Variants in DGKG observed in about 807,000 individuals in gnomAD.
The protein encoded by DGKG is diacylglycerol kinase gamma.
DGKG carries 78 observed loss-of-function variants against 105.3 expected under a neutral mutation model. That is an observed-to-expected ratio of 0.74 (90% CI 0.62 to 0.89). The LOEUF is 0.89. Ranked by LOEUF, DGKG falls within the 40% of genes least tolerant of loss-of-function variation. The pLI is 0.00. For missense variants in DGKG, 958 were observed against 1,020.1 expected (o/e 0.94, Z 0.83); for synonymous variants, 346 against 367.1 (o/e 0.94, Z 0.66).
At chr3:186,211,236 T>C (rs1171717653) in intron 21 of DGKG, among the ~76,000 whole-genome samples, 1 of 152,160 alleles carries the variant, frequency 6.6e-6, no homozygotes, top group East Asian at 1.9e-4. Flanking sequence ...TAGGATGAAA[T>C]CAAGGGCCCT....
At chr3:186,244,819 A>G (rs4686754) in intron 19 of DGKG, among the ~76,000 whole-genome samples, 136,549 of 151,142 alleles carry the variant, frequency 0.9, 62,310 homozygotes, top group East Asian at 1. Flanking sequence ...CCTGAGGCCT[A>G]TCCAGCCTGC....
rs1370563031 is a variant in DGKG, at chr3:186,297,433, C to T, written c.361G>A (p.Ala121Thr). The T allele has an allele frequency of 1.9e-6, 3 of 1,611,826 alleles. No homozygotes were observed. The highest frequency in any genetic ancestry group is 2.2e-5 in the South Asian group (2 of 91,036). Residue 121 changes from alanine to threonine, a missense_variant, in exon 5 of 25, where the codon GCC (alanine) becomes ACC (threonine). By Grantham distance (58) the Ala-to-Thr change is moderately conservative. Coordinates refer to ENST00000265022, the MANE Select transcript of DGKG (RefSeq NM_001346.3). ...TCCAAAGACTTACCAGTATCAGGGG[C>T]ACAGGCCTCGTCTGCTTTGGTGGCA... ...DNATKADEACAPDTESNMAEK... is the reference protein window; with the variant it reads ...DNATKADEACTPDTESNMAEK...
At chr3:186,355,729 C>A (rs1360848020) in intron 1 of DGKG, among the ~76,000 whole-genome samples, 2 of 151,978 alleles carry the variant, frequency 1.3e-5, no homozygotes, top group Non-Finnish European at 2.9e-5. Flanking sequence ...ACCAGCATCA[C>A]TGTCCTACCA....
chr3:186,265,427 G>T, intron 13 of DGKG, 121 bp from the exon 14 acceptor site: 2 of 877,688 alleles, frequency 2.3e-6, no homozygotes. Context: ...GTGTAGTATG[G>T]AGACGAGGTT....
intron 21 of DGKG, among the ~76,000 whole-genome samples, chr3:186,193,929 T>C (rs1312444072): frequency 6.6e-6 from 1 of 152,192 alleles, no homozygotes; most frequent in African/African-American, 2.4e-5. Context: ...CAGGGATTTA[T>C]AGCCCGGAGT....
At chr3:186,254,458 G>T (rs1166053192) in intron 17 of DGKG, among the ~76,000 whole-genome samples, 1 of 152,102 alleles carries the variant, frequency 6.6e-6, no homozygotes, top group African/African-American at 2.4e-5. Context: ...CCTTTGCACA[G>T]CCTGCTCCCT....
chr3:186,310,528 T>C (rs921489289), intron 2 of DGKG, among the ~76,000 whole-genome samples: 1 of 152,198 alleles, frequency 6.6e-6, no homozygotes, highest in Admixed American at 6.5e-5. Context: ...GGGTTTCTTT[T>C]TCCATGAGGA....
At chr3:186,326,717 G>A (rs56914075) in intron 1 of DGKG, among the ~76,000 whole-genome samples, 6,021 of 152,180 alleles carry the variant, frequency 0.04, 380 homozygotes, top group African/African-American at 0.13. Flanking sequence ...TTCAGGCAAC[G>A]GCAAATCCTC....
At chr3:186,229,565 T>C (rs977420707) in intron 20 of DGKG, among the ~76,000 whole-genome samples, 2 of 152,138 alleles carry the variant, frequency 1.3e-5, no homozygotes, top group Non-Finnish European at 2.9e-5. Context: ...CTTTTAGAGC[T>C]ACGAGCGAAT....
intron 22 of DGKG, among the ~76,000 whole-genome samples, chr3:186,183,151 CACACAG>C (rs1717438685): frequency 6.6e-6 from 1 of 152,178 alleles, no homozygotes; most frequent in South Asian, 2.1e-4. Context: ...TGATGCAAGA[CACACAG>C]TAGACTCCCT....
intron 14 of DGKG, 165 bp from the exon 15 acceptor site, chr3:186,261,943 T>C (rs2108574147): frequency 3.6e-6 from 2 of 556,360 alleles, no homozygotes; most frequent in Middle Eastern, 3.8e-4. Flanking sequence ...AGTAGCTAAG[T>C]GTCTCCAGTT....
intron 20 of DGKG, among the ~76,000 whole-genome samples, chr3:186,232,784 A>G (rs1228738379): frequency 6.6e-6 from 1 of 152,232 alleles, no homozygotes; most frequent in Admixed American, 6.5e-5. Context: ...ATATTTCTAC[A>G]TTGATGACTT....
intron 3 of DGKG, among the ~76,000 whole-genome samples, chr3:186,301,705 A>G (rs1723929619): frequency 6.6e-6 from 1 of 152,228 alleles, no homozygotes; most frequent in Non-Finnish European, 1.5e-5. Flanking sequence ...GTGTTCTTAC[A>G]CTATACATTA....
At chr3:186,242,613 A>T in intron 19 of DGKG, 45 bp from the exon 20 acceptor site, 1 of 1,572,920 alleles carries the variant, frequency 6.4e-7, no homozygotes. Context: ...AGTGGTCATG[A>T]CAGTGCAGTG....
chr3:186,217,269 ATT>A (rs139113323), intron 20 of DGKG, among the ~76,000 whole-genome samples: 1 of 151,436 alleles, frequency 6.6e-6, no homozygotes, highest in East Asian at 1.9e-4. Context: ...TTGGCCCACC[ATT>A]TTTTTTTCCC....
intron 20 of DGKG, among the ~76,000 whole-genome samples, chr3:186,229,664 G>T (rs1343614921): frequency 1.3e-5 from 2 of 152,192 alleles, no homozygotes; most frequent in Admixed American, 6.5e-5. Flanking sequence ...TTCTGTATGT[G>T]CTCATCTTCC....
intron 1 of DGKG, among the ~76,000 whole-genome samples, chr3:186,323,431 G>GA (rs1296197449): frequency 1.3e-5 from 2 of 152,032 alleles, no homozygotes; most frequent in African/African-American, 2.4e-5. Flanking sequence ...TTGCGGATGA[G>GA]AAAAAAATGA....
chr3:186,333,735 T>C (rs2108653641), intron 1 of DGKG, among the ~76,000 whole-genome samples: 1 of 152,142 alleles, frequency 6.6e-6, no homozygotes, highest in South Asian at 2.1e-4. Flanking sequence ...ACACCAGAAA[T>C]GGACCTGTCA....
intron 2 of DGKG, among the ~76,000 whole-genome samples, chr3:186,308,267 G>C (rs1478313702): frequency 6.6e-6 from 1 of 152,108 alleles, no homozygotes; most frequent in African/African-American, 2.4e-5. Flanking sequence ...CCAGAAAAGA[G>C]ACTCAATAAT....
Sources: gnomAD v4.1 joint callset for allele counts (sites outside exome capture counted in the v4.1 genomes callset) on GRCh38, gnomAD v4.1.1 for gene constraint, MANE v1.5 for transcripts, NCBI Gene and HGNC (gene_info 2026-07-23, HGNC 2026-07-21) for gene names.